Variants in MAP2K4 observed in about 807,000 individuals in gnomAD.
MAP2K4 encodes the protein mitogen-activated protein kinase kinase 4.
MAP2K4 carries 4 observed loss-of-function variants against 48.5 expected under a neutral mutation model. The observed-to-expected ratio is 0.08, with a 90% CI of 0.04 to 0.19. The LOEUF (loss-of-function observed/expected upper bound fraction) is 0.19, where lower values mean the gene tolerates loss of function less well. Among genes scored for constraint, MAP2K4 ranks in the 10% least tolerant of loss-of-function variants. The pLI is 1.00. For synonymous variants in MAP2K4, 166 were observed against 173.1 expected, an observed-to-expected ratio of 0.96 and a Z score of 0.32; for missense variants, 258 against 493.3, an observed-to-expected ratio of 0.52 and a Z score of 4.52.
At chr17:12,056,148 C>T (rs991316572) in intron 2 of MAP2K4, among the ~76,000 whole-genome samples, 1 of 152,078 alleles carries the variant, frequency 6.6e-6, no homozygotes, top group Non-Finnish European at 1.5e-5. Flanking sequence ...AATTCTTTAA[C>T]ATAGCCCCCT....
intron 10 of MAP2K4, among the ~76,000 whole-genome samples, chr17:12,140,708 G>C (rs1429322334): frequency 6.6e-6 from 1 of 152,144 alleles, no homozygotes; most frequent in Non-Finnish European, 1.5e-5. Context: ...TTGTAAAAAG[G>C]TCCTCCTGTT....
chr17:12,115,831 G>A (rs1972472851), intron 7 of MAP2K4: 7 of 716,600 alleles, frequency 9.8e-6, no homozygotes, highest in Non-Finnish European at 1.8e-5. Flanking sequence ...GCTGCACTGT[G>A]CGATGGGAGA....
chr17:12,124,614 TTTTG>T (rs1472040548), intron 7 of MAP2K4: 3 of 152,324 alleles, frequency 2.0e-5, no homozygotes, highest in Admixed American at 1.3e-4. Context: ...AGACAGTCTT[TTTTG>T]TTTGTTTGTC....
At chr17:12,067,457 A>C (rs376018456) in intron 2 of MAP2K4, among the ~76,000 whole-genome samples, 1 of 152,126 alleles carries the variant, frequency 6.6e-6, no homozygotes, top group East Asian at 1.9e-4. Flanking sequence ...GTGACAGCCA[A>C]AATGTCTCCA....
At chr17:12,091,378 C>T (rs1310862592) in intron 3 of MAP2K4, among the ~76,000 whole-genome samples, 4 of 152,102 alleles carry the variant, frequency 2.6e-5, no homozygotes, top group Non-Finnish European at 4.4e-5. Context: ...TGTTTTGTGA[C>T]GAGATGGAGT....
intron 2 of MAP2K4, among the ~76,000 whole-genome samples, chr17:12,069,350 A>C (rs2151537675): frequency 6.6e-6 from 1 of 152,244 alleles, no homozygotes; most frequent in Admixed American, 6.5e-5. Flanking sequence ...AGCCCAGAAA[A>C]ACTGTTCTAA....
In MAP2K4 at chr17:12,141,483, C is replaced by T; in HGVS notation, c.*223C>T. 1 of 538,978 alleles carries T rather than the reference C, an allele frequency of 1.9e-6. No homozygotes were observed. The highest frequency in any genetic ancestry group is 3.3e-6 in the Non-Finnish European group (1 of 301,892). The allele number at this position is 538,978 out of a possible 1,614,324, so 33.4% of individuals were successfully genotyped here. On this transcript the variant is annotated 3_prime_UTR_variant, in exon 11 of 11. Coordinates refer to ENST00000353533, the MANE Select transcript of MAP2K4 (RefSeq NM_003010.4). ...TAGTGCTGGTCAGAGAGACCTCATC[C>T]TGCTCTTTTGTGATGAACATATTCA...
chr17:12,115,648 T>C, intron 7 of MAP2K4: 1 of 752,430 alleles, frequency 1.3e-6, no homozygotes, highest in East Asian at 2.5e-5. Flanking sequence ...TTAACGCTTA[T>C]TAACACAGCA....
intron 10 of MAP2K4, 127 bp from the exon 11 acceptor site, chr17:12,141,020 G>A (rs1336011111): frequency 1.5e-6 from 1 of 653,270 alleles, no homozygotes; most frequent in Non-Finnish European, 2.8e-6. Flanking sequence ...TGAACTTGTA[G>A]TGTTGCGGTA....
intron 1 of MAP2K4, among the ~76,000 whole-genome samples, chr17:12,052,454 T>C (rs1033408506): frequency 2.6e-5 from 4 of 152,242 alleles, no homozygotes; most frequent in Admixed American, 1.3e-4. Context: ...TAAATACTTA[T>C]ATTCAAGAAA....
At chr17:12,128,779 G>A (rs531971208) in intron 8 of MAP2K4, among the ~76,000 whole-genome samples, 8 of 152,296 alleles carry the variant, frequency 5.3e-5, no homozygotes, top group African/African-American at 9.6e-5. Context: ...CAAATTGTGC[G>A]TATTCTATAG....
At chr17:12,088,133 G>T (rs967325898) in intron 3 of MAP2K4, among the ~76,000 whole-genome samples, 1 of 152,032 alleles carries the variant, frequency 6.6e-6, no homozygotes, top group African/African-American at 2.4e-5. Flanking sequence ...TTTTTGCTGG[G>T]AAAGCAGCAT....
At chr17:12,062,793 T>C (rs772759238) in intron 2 of MAP2K4, among the ~76,000 whole-genome samples, 3 of 152,206 alleles carry the variant, frequency 2.0e-5, no homozygotes, top group Non-Finnish European at 4.4e-5. Flanking sequence ...TTCCTGAACC[T>C]TTGTATGTGA....
intron 2 of MAP2K4, chr17:12,069,546 AATACAT>A: frequency 5.6e-6 from 1 of 179,760 alleles, no homozygotes; most frequent in Non-Finnish European, 1.1e-5. Context: ...TAATTTGTCT[AATACAT>A]TCTGTTCACT....
At chr17:12,092,072 A>G (rs1054568582) in intron 3 of MAP2K4, among the ~76,000 whole-genome samples, 2 of 152,178 alleles carry the variant, frequency 1.3e-5, no homozygotes, top group Admixed American at 6.5e-5. Context: ...TGAAAATAAT[A>G]TAAAAAACTT....
chr17:12,026,064 A>G (rs542079514), intron 1 of MAP2K4, among the ~76,000 whole-genome samples: 1 of 152,218 alleles, frequency 6.6e-6, no homozygotes, highest in Non-Finnish European at 1.5e-5. Context: ...CAAAGCTCAG[A>G]CTGCATTTCT....
chr17:12,029,929 GAAAAA>G (rs948365744), intron 1 of MAP2K4, among the ~76,000 whole-genome samples: 3 of 150,650 alleles, frequency 2.0e-5, no homozygotes, highest in African/African-American at 7.3e-5. Context: ...AAAAAAAAAA[GAAAAA>G]AAGAAAAATT....
At chr17:12,097,768 G>A (rs374923508) in intron 4 of MAP2K4, among the ~76,000 whole-genome samples, 13 of 152,220 alleles carry the variant, frequency 8.5e-5, no homozygotes, top group Non-Finnish European at 2.9e-5. Context: ...ACAAGTAGCA[G>A]AGATGGGATT....
intron 4 of MAP2K4, among the ~76,000 whole-genome samples, chr17:12,101,091 G>A (rs1164653600): frequency 1.3e-5 from 2 of 152,002 alleles, no homozygotes; most frequent in Non-Finnish European, 2.9e-5. Context: ...TTAAATTTGT[G>A]TATTGTGCTT....
Sources: allele counts gnomAD v4.1 joint callset (sites outside exome capture counted in the v4.1 genomes callset), GRCh38; gene constraint gnomAD v4.1.1; transcripts MANE v1.5; gene names NCBI Gene and HGNC (gene_info 2026-07-23, HGNC 2026-07-21).